Variants in CYP3A7 observed in about 807,000 individuals in gnomAD.
CYP3A7 encodes cytochrome P450 3A7.
In CYP3A7, 45 loss-of-function variants were observed where a neutral mutation model predicts 55.2. That is an observed-to-expected ratio of 0.82 (90% CI 0.64 to 1.05). CYP3A7 has a LOEUF of 1.05. Among genes scored for constraint, CYP3A7 ranks in the 50% least tolerant of loss-of-function variants. The pLI, the probability that CYP3A7 is intolerant of heterozygous loss-of-function variation, is 0.00. For missense variants in CYP3A7, 548 were observed against 605.3 expected, an observed-to-expected ratio of 0.91 and a Z score of 0.99; for synonymous variants, 180 against 207.4, an observed-to-expected ratio of 0.87 and a Z score of 1.13.
At chr7:99,726,632 A>G (rs1482223271) in intron 2 of CYP3A7, among the ~76,000 whole-genome samples, 1 of 152,160 alleles carries the variant, frequency 6.6e-6, no homozygotes. Context: ...TACTGCCACA[A>G]GGCTTCTGGG....
intron 12 of CYP3A7, among the ~76,000 whole-genome samples, chr7:99,706,058 G>A (rs769273802): frequency 9.9e-5 from 15 of 152,148 alleles, no homozygotes; most frequent in Non-Finnish European, 1.8e-4. Context: ...CCACAGTCCA[G>A]TAATTCCTCT....
chr7:99,706,461 T>C (rs1813527209), intron 12 of CYP3A7, among the ~76,000 whole-genome samples: 1 of 152,308 alleles, frequency 6.6e-6, no homozygotes, highest in Non-Finnish European at 1.5e-5. Context: ...ATGAAAATAA[T>C]ATGGAAACCA....
At chr7:99,734,789 T>G (rs1814766370) in intron 1 of CYP3A7, among the ~76,000 whole-genome samples, 1 of 152,022 alleles carries the variant, frequency 6.6e-6, no homozygotes, top group African/African-American at 2.4e-5. Flanking sequence ...GCCCAGCTAA[T>G]TTTTGTAATT....
chr7:99,726,772 A>G (rs968803447), intron 2 of CYP3A7, among the ~76,000 whole-genome samples: 3 of 152,300 alleles, frequency 2.0e-5, no homozygotes, highest in Non-Finnish European at 2.9e-5. Context: ...TTTCAACAAG[A>G]TACCCTCCTG....
rs918579557 is a variant in CYP3A7, at chr7:99,717,326, A to T, written c.433-61T>A. On this transcript the variant is annotated intron_variant, in intron 5 of 12. Transcript: ENST00000336374. ...GTGCAGACATAAGTCCCAGAAGGAC[A>T]TGACTTTGCCTGGCATGGAACAATA... The T allele has an allele frequency of 3.7e-6, 6 of 1,612,870 alleles. No homozygotes were observed. The African/African-American group carries it at 8.0e-5, about 22-fold the overall frequency.
intron 11 of CYP3A7, among the ~76,000 whole-genome samples, chr7:99,708,631 C>G (rs1813616796): frequency 6.6e-6 from 1 of 152,118 alleles, no homozygotes; most frequent in African/African-American, 2.4e-5. Context: ...ATCTGTTGCA[C>G]TAACCTATAA....
chr7:99,717,553 T>TG lies in CYP3A7; in HGVS notation c.404dup (p.Thr136AsnfsTer51). 1.2e-6 allele frequency: 2 copies of TG among 1,613,770 alleles called. No individual in the cohort carries two copies. Among genetic ancestry groups the TG allele is most frequent in the Non-Finnish European group, 1.7e-6 (2 of 1,179,794 alleles). On this transcript the variant is annotated frameshift_variant, in exon 5 of 13. Coordinates refer to ENST00000336374, the MANE Select transcript of CYP3A7 (RefSeq NM_000765.5). LOFTEE classifies it high-confidence loss of function. ...CCTTGAGTTTTCCGCTGGTGAATGT[T>TG]GGAGACAGCAATGATCGTATTCTCT...
At chr7:99,708,682 A>G (rs747645608) in intron 11 of CYP3A7, among the ~76,000 whole-genome samples, 33 of 152,140 alleles carry the variant, frequency 2.2e-4, no homozygotes, top group Non-Finnish European at 4.3e-4. Flanking sequence ...TTCAAATTTG[A>G]TTCCTGAAGA....
intron 7 of CYP3A7, 31 bp downstream of exon 7, chr7:99,715,727 G>C: frequency 6.2e-7 from 1 of 1,613,272 alleles, no homozygotes; most frequent in Non-Finnish European, 8.5e-7. Context: ...TTAAGAGAGA[G>C]GGAGAGAAAA....
intron 4 of CYP3A7, among the ~76,000 whole-genome samples, chr7:99,718,338 T>C (rs1244731584): frequency 5.9e-5 from 9 of 152,206 alleles, no homozygotes. Context: ...CTATTAACAT[T>C]CTTTCCTCTT....
intron 2 of CYP3A7, among the ~76,000 whole-genome samples, chr7:99,723,169 G>C (rs1316162782): frequency 1.3e-5 from 2 of 152,122 alleles, no homozygotes; most frequent in Non-Finnish European, 1.5e-5. Flanking sequence ...CTTAGCCCAA[G>C]CCTGCATGGG....
chr7:99,713,393 C>T, intron 9 of CYP3A7, 76 bp downstream of exon 9: 1 of 1,599,458 alleles, frequency 6.3e-7, no homozygotes, highest in Non-Finnish European at 8.6e-7. Flanking sequence ...ACCTGGAATA[C>T]TTCCTGCACA....
intron 2 of CYP3A7, among the ~76,000 whole-genome samples, chr7:99,724,039 G>A (rs1814313620): frequency 1.3e-5 from 2 of 151,944 alleles, no homozygotes; most frequent in Admixed American, 1.3e-4. Flanking sequence ...TGGGTGGCAA[G>A]TACCACCTTC....
chr7:99,705,678 T>A, intron 12 of CYP3A7, 83 bp from the exon 13 acceptor site: 1 of 1,522,646 alleles, frequency 6.6e-7, no homozygotes. Flanking sequence ...AAAAAATTAC[T>A]GACAATAATG....
intron 6 of CYP3A7, 132 bp downstream of exon 6, chr7:99,717,045 T>G (rs1813979482): frequency 2.1e-6 from 2 of 950,064 alleles, no homozygotes; most frequent in Non-Finnish European, 3.3e-6. Flanking sequence ...GGAGACCCAT[T>G]GAAGTTGCAT....
chr7:99,733,450 A>G (rs375800746), intron 1 of CYP3A7, among the ~76,000 whole-genome samples: 25 of 152,276 alleles, frequency 1.6e-4, no homozygotes, highest in African/African-American at 5.3e-4. Context: ...AGAAAAATCC[A>G]TCATCTATTG....
intron 4 of CYP3A7, among the ~76,000 whole-genome samples, chr7:99,719,447 ATC>A (rs1814096670): frequency 6.6e-6 from 1 of 152,220 alleles, no homozygotes; most frequent in Non-Finnish European, 1.5e-5. Context: ...GTTGATCTAA[ATC>A]TCATACCTTA....
chr7:99,719,376 G>T (rs771599581), intron 4 of CYP3A7, among the ~76,000 whole-genome samples: 3 of 152,090 alleles, frequency 2.0e-5, no homozygotes, highest in Non-Finnish European at 4.4e-5. Flanking sequence ...TTAACAATAT[G>T]CCCACATTTC....
At chr7:99,720,725 G>A in intron 3 of CYP3A7, 1 of 287,406 alleles carries the variant, frequency 3.5e-6, no homozygotes, top group South Asian at 5.1e-5. Flanking sequence ...TGCATACATG[G>A]GTATTTCCCA....
Sources: gnomAD v4.1 joint callset for allele counts (sites outside exome capture counted in the v4.1 genomes callset) on GRCh38, gnomAD v4.1.1 for gene constraint, MANE v1.5 for transcripts, NCBI Gene and HGNC (gene_info 2026-07-23, HGNC 2026-07-21) for gene names.